The following KDM4B variants were observed in gnomAD, a reference collection of about 807,000 sequenced individuals.
KDM4B encodes lysine-specific demethylase 4B.
Under a neutral mutation model 125.2 loss-of-function variants are expected in KDM4B, and 32 were observed. The ratio of observed to expected loss-of-function variants is 0.26; its 90% CI spans 0.19 to 0.34. The LOEUF is 0.34. KDM4B is among the 10% of genes least tolerant of loss of function. The pLI is 1.00. For missense variants in KDM4B, 1,190 were observed against 1,577.7 expected (o/e 0.75, Z 4.16); for synonymous variants, 721 against 677.9 (o/e 1.06, Z -0.99).
intron 15 of KDM4B, among the ~76,000 whole-genome samples, chr19:5,136,507 A>C (rs1423164416): frequency 6.6e-6 from 1 of 151,444 alleles, no homozygotes; most frequent in Non-Finnish European, 1.5e-5. Context: ...GAGGCTCTTC[A>C]CTCTGCTTTG....
Position 5,047,527 on chromosome 19 carries a change from G to C in KDM4B, c.484G>C (p.Glu162Gln). 1 of 1,613,760 alleles carries C rather than the reference G, an allele frequency of 6.2e-7. No homozygotes were observed. The highest frequency in any genetic ancestry group is 8.5e-7 in the Non-Finnish European group (1 of 1,179,854). ...GSLRTILDMV[E>Q]RECGTIIEGV... Reference sequence around the variant, plus strand: ...CCTCCGGACCATCCTGGACATGGTGGAGCGCGAGTGCGGCACCATCATCGA... The same window carrying C: ...CCTCCGGACCATCCTGGACATGGTGCAGCGCGAGTGCGGCACCATCATCGA... The change falls in exon 6 of 23, where the codon GAG (glutamate) becomes CAG (glutamine). Residue 162 changes from glutamate (E) to glutamine (Q), a missense_variant. Glu to Gln is a conservative substitution (Grantham distance 29). This residue lies in a region of KDM4B where 139 missense variants were observed against 248.3 expected (regional missense o/e 0.56). Transcript: ENST00000159111.
At chr19:5,028,329 T>C (rs1201456522) in intron 2 of KDM4B, among the ~76,000 whole-genome samples, 1 of 152,074 alleles carries the variant, frequency 6.6e-6, no homozygotes, top group African/African-American at 2.4e-5. Flanking sequence ...TAGCCTGGGG[T>C]GTAACACACG....
At chr19:5,057,065 T>TGTGTGTGTGTGTGTGTGTGTGC (rs55806859) in intron 6 of KDM4B, among the ~76,000 whole-genome samples, 1 of 128,322 alleles carries the variant, frequency 7.8e-6, no homozygotes, top group African/African-American at 3.2e-5. Context: ...TGTGTGTGTG[T>TGTGTGTGTGTGTGTGTGTGTGC]GCGCGCGCGC....
chr19:5,105,968 T>A (rs2039025932), intron 9 of KDM4B, among the ~76,000 whole-genome samples: 1 of 152,154 alleles, frequency 6.6e-6, no homozygotes, highest in Non-Finnish European at 1.5e-5. Context: ...ATAAAGAGAT[T>A]TAGAGAAATA....
At chr19:5,004,125 G>A (rs867326151) in intron 1 of KDM4B, among the ~76,000 whole-genome samples, 5 of 152,182 alleles carry the variant, frequency 3.3e-5, no homozygotes, top group Admixed American at 6.5e-5. Flanking sequence ...CGGCTAGGGC[G>A]GTGGATGGCG....
intron 6 of KDM4B, among the ~76,000 whole-genome samples, chr19:5,063,219 A>G (rs1006169601): frequency 6.6e-6 from 1 of 152,096 alleles, no homozygotes; most frequent in Non-Finnish European, 1.5e-5. Context: ...CCTTGGAGAT[A>G]AACTCTTCTT....
At chr19:5,003,043 GT>G (rs1280227256) in intron 1 of KDM4B, among the ~76,000 whole-genome samples, 8 of 152,234 alleles carry the variant, frequency 5.3e-5, no homozygotes, top group Non-Finnish European at 8.8e-5. Flanking sequence ...CTGGAGAGGA[GT>G]TCACCTCGTT....
At chr19:5,027,675 G>A (rs906045609) in intron 2 of KDM4B, among the ~76,000 whole-genome samples, 4 of 151,606 alleles carry the variant, frequency 2.6e-5, no homozygotes, top group Non-Finnish European at 5.9e-5. Flanking sequence ...TGAGTAGCTG[G>A]GGTTACAGGC....
At chr19:4,993,117 G>A (rs1419680627) in intron 1 of KDM4B, among the ~76,000 whole-genome samples, 2 of 151,690 alleles carry the variant, frequency 1.3e-5, no homozygotes, top group African/African-American at 4.9e-5. Flanking sequence ...TTTATTGAAA[G>A]TGAGGGTATG....
At chr19:4,986,775 G>T (rs1253346338) in intron 1 of KDM4B, among the ~76,000 whole-genome samples, 1 of 152,204 alleles carries the variant, frequency 6.6e-6, no homozygotes, top group Non-Finnish European at 1.5e-5. Context: ...CCAAAGAAGT[G>T]CAGGCAGCAC....
At chr19:5,014,541 C>A (rs1055250500) in intron 1 of KDM4B, among the ~76,000 whole-genome samples, 1 of 152,048 alleles carries the variant, frequency 6.6e-6, no homozygotes, top group Non-Finnish European at 1.5e-5. Context: ...TCCCAAAGTG[C>A]TGGGATTACA....
chr19:5,039,771 A>G, intron 3 of KDM4B, 65 bp from the exon 4 acceptor site: 2 of 1,555,426 alleles, frequency 1.3e-6, no homozygotes, highest in Admixed American at 3.4e-5. Context: ...CCGGTGGCAC[A>G]GTCTGCTCTC....
chr19:5,077,205 C>T, intron 7 of KDM4B, 162 bp from the exon 8 acceptor site: 2 of 661,362 alleles, frequency 3.0e-6, no homozygotes, highest in Non-Finnish European at 5.4e-6. Flanking sequence ...GACCTGCAGG[C>T]ACTGGGGCCC....
In KDM4B at chr19:5,049,836, C is replaced by T. The variant is rs1452798848; in HGVS notation, c.626+2167C>T. 5.9e-5 allele frequency among the ~76,000 whole-genome samples: 9 copies of T among 152,266 alleles called. No homozygotes were observed. In the East Asian group the frequency reaches 7.7e-4, roughly 13 times the overall value. Reference sequence around the variant, plus strand: ...GGCACAGAGAGGCTTGGTGACTTGCCGGAGCCTCTTGGATCCTCACTGTGT... The same window carrying T: ...GGCACAGAGAGGCTTGGTGACTTGCTGGAGCCTCTTGGATCCTCACTGTGT... On this transcript the variant is annotated intron_variant, in intron 6 of 22. Transcript: ENST00000159111.
At chr19:5,095,232 G>T (rs1289286803) in intron 9 of KDM4B, among the ~76,000 whole-genome samples, 1 of 152,216 alleles carries the variant, frequency 6.6e-6, no homozygotes, top group African/African-American at 2.4e-5. Context: ...CTGGATCAGG[G>T]GGCTGGGAGT....
intron 17 of KDM4B, 113 bp from the exon 18 acceptor site, chr19:5,137,849 T>G: frequency 9.3e-7 from 1 of 1,078,406 alleles, no homozygotes; most frequent in Non-Finnish European, 1.3e-6. Flanking sequence ...GCACCGACCT[T>G]CCTGAAGTTC....
chr19:5,107,650 C>T (rs1019126275), intron 9 of KDM4B, among the ~76,000 whole-genome samples: 1 of 152,200 alleles, frequency 6.6e-6, no homozygotes, highest in African/African-American at 2.4e-5. Context: ...TTCATGGGCA[C>T]GTGGCTCCCA....
intron 6 of KDM4B, among the ~76,000 whole-genome samples, chr19:5,067,175 C>T (rs2037797540): frequency 3.3e-5 from 5 of 152,200 alleles, no homozygotes; most frequent in Admixed American, 2.0e-4. Context: ...GGCACCTGCT[C>T]CGTGCTCGGA....
chr19:5,113,928 C>T (rs2039202804), intron 10 of KDM4B: 1 of 1,215,054 alleles, frequency 8.2e-7, no homozygotes. Context: ...GCTGCCTGAG[C>T]TCAGAGGACA....
Sources: allele counts gnomAD v4.1 joint callset (sites outside exome capture counted in the v4.1 genomes callset), GRCh38; gene constraint gnomAD v4.1.1; regional missense constraint gnomAD v4.1.1; transcripts MANE v1.5; gene names NCBI Gene and HGNC (gene_info 2026-07-23, HGNC 2026-07-21).